The following KDM2A variants were observed in gnomAD, a reference collection of about 807,000 sequenced individuals.
KDM2A encodes the protein lysine demethylase 2A.
Under a neutral mutation model 137.3 loss-of-function variants are expected in KDM2A, and 3 were observed. The ratio of observed to expected loss-of-function variants is 0.02; its 90% CI spans 0.01 to 0.06. KDM2A has a LOEUF of 0.06. Among genes scored for constraint, KDM2A ranks in the 10% least tolerant of loss-of-function variants. KDM2A has a pLI of 1.00. For missense variants in KDM2A, 738 were observed against 1,510.6 expected, an observed-to-expected ratio of 0.49 and a Z score of 8.48; for synonymous variants, 512 against 541.5, an observed-to-expected ratio of 0.95 and a Z score of 0.76.
At chr11:67,170,408 C>CTTTTTTTTTT (rs923665021) in intron 2 of KDM2A, among the ~76,000 whole-genome samples, 22 of 92,822 alleles carry the variant, frequency 2.4e-4, no homozygotes, top group African/African-American at 4.1e-4. Context: ...TTCTTTCTTT[C>CTTTTTTTTTT]TTTTTTTTTT....
intron 2 of KDM2A, among the ~76,000 whole-genome samples, chr11:67,127,626 A>C (rs1855759929): frequency 1.3e-5 from 2 of 152,176 alleles, no homozygotes; most frequent in Non-Finnish European, 2.9e-5. Flanking sequence ...CAATAGTCCC[A>C]CCTTTCCTTG....
At chr11:67,223,652 C>G (rs1858441402) in intron 10 of KDM2A, among the ~76,000 whole-genome samples, 1 of 152,078 alleles carries the variant, frequency 6.6e-6, no homozygotes, top group Non-Finnish European at 1.5e-5. Context: ...TCAAGCAGTC[C>G]TCCAGCCTCA....
chr11:67,176,150 A>G (rs949483345), intron 2 of KDM2A, among the ~76,000 whole-genome samples: 2 of 152,214 alleles, frequency 1.3e-5, no homozygotes, highest in Admixed American at 1.3e-4. Flanking sequence ...TTTTTACTAA[A>G]TATGGAAAAG....
At chr11:67,169,110 C>A (rs1015869372) in intron 2 of KDM2A, among the ~76,000 whole-genome samples, 1 of 151,686 alleles carries the variant, frequency 6.6e-6, no homozygotes, top group Admixed American at 6.6e-5. Flanking sequence ...CGCCTGCCAC[C>A]GCGCCTGGCC....
At chr11:67,148,199 C>A (rs1467956170) in intron 2 of KDM2A, among the ~76,000 whole-genome samples, 1 of 151,870 alleles carries the variant, frequency 6.6e-6, no homozygotes, top group Non-Finnish European at 1.5e-5. Context: ...TTGGGAGGAT[C>A]ATTTTTGAAC....
chr11:67,251,024 T>C (rs913709397), intron 17 of KDM2A, among the ~76,000 whole-genome samples: 1 of 152,202 alleles, frequency 6.6e-6, no homozygotes, highest in Non-Finnish European at 1.5e-5. Context: ...CTCTATACTT[T>C]CCCATGTCTC....
At chr11:67,121,512 T>A (rs1169359498) in intron 2 of KDM2A, among the ~76,000 whole-genome samples, 154 bp downstream of exon 2, 1 of 152,234 alleles carries the variant, frequency 6.6e-6, no homozygotes, top group African/African-American at 2.4e-5. Context: ...AATATCGAAT[T>A]TGGCTTTTGG....
intron 2 of KDM2A, among the ~76,000 whole-genome samples, chr11:67,139,946 T>C (rs1424804602): frequency 2.0e-5 from 3 of 151,884 alleles, no homozygotes; most frequent in Admixed American, 2.0e-4. Flanking sequence ...TCAACTGATG[T>C]GTGCATCTTG....
intron 2 of KDM2A, among the ~76,000 whole-genome samples, chr11:67,163,549 CAT>C: frequency 6.6e-6 from 1 of 152,144 alleles, no homozygotes; most frequent in East Asian, 1.9e-4. Context: ...AATGTAGAAT[CAT>C]GTTCAAAATC....
intron 12 of KDM2A, among the ~76,000 whole-genome samples, chr11:67,239,656 G>A (rs779951419): frequency 6.6e-6 from 1 of 152,208 alleles, no homozygotes; most frequent in Non-Finnish European, 1.5e-5. Flanking sequence ...AGAAGTGTGT[G>A]TGCAGTCAGC....
At chr11:67,176,526 C>T (rs914949024) in intron 2 of KDM2A, among the ~76,000 whole-genome samples, 1 of 152,132 alleles carries the variant, frequency 6.6e-6, no homozygotes, top group African/African-American at 2.4e-5. Flanking sequence ...AAGTAAAATA[C>T]CATCATTCAT....
At chr11:67,122,991 A>ATTTT (rs1309102516) in intron 2 of KDM2A, among the ~76,000 whole-genome samples, 1 of 151,100 alleles carries the variant, frequency 6.6e-6, no homozygotes, top group Non-Finnish European at 1.5e-5. Flanking sequence ...TTTTATTTTT[A>ATTTT]TAGACAGGAT....
intron 2 of KDM2A, among the ~76,000 whole-genome samples, chr11:67,137,081 G>T (rs1855985102): frequency 6.6e-6 from 1 of 152,172 alleles, no homozygotes; most frequent in Non-Finnish European, 1.5e-5. Flanking sequence ...GATGCAGAGT[G>T]ATTAGCACAT....
intron 2 of KDM2A, among the ~76,000 whole-genome samples, chr11:67,173,053 C>T (rs758938581): frequency 1.1e-4 from 17 of 152,052 alleles, no homozygotes; most frequent in Non-Finnish European, 1.9e-4. Context: ...TGCAGTGGTG[C>T]TGTAACAGTT....
At chr11:67,224,528 C>G (rs1184545872) in intron 10 of KDM2A, among the ~76,000 whole-genome samples, 2 of 123,872 alleles carry the variant, frequency 1.6e-5, no homozygotes, top group Non-Finnish European at 3.1e-5. Flanking sequence ...TGCAGTGGTG[C>G]GATCTCAGCT....
intron 4 of KDM2A, 68 bp downstream of exon 4, chr11:67,181,466 T>C (rs1857089758): frequency 1.0e-6 from 1 of 1,001,792 alleles, no homozygotes; most frequent in Non-Finnish European, 1.5e-6. Flanking sequence ...CAATAAACAG[T>C]GGTGGTATTG....
chr11:67,159,591 C>G (rs1856592086), intron 2 of KDM2A, among the ~76,000 whole-genome samples: 1 of 152,136 alleles, frequency 6.6e-6, no homozygotes, highest in African/African-American at 2.4e-5. Context: ...AGGTGGTAAC[C>G]TGCAGATTTT....
intron 2 of KDM2A, among the ~76,000 whole-genome samples, chr11:67,123,132 G>A (rs965427286): frequency 6.6e-6 from 1 of 151,796 alleles, no homozygotes; most frequent in Non-Finnish European, 1.5e-5. Context: ...ACCATGCCAG[G>A]GTAATTTTCA....
intron 2 of KDM2A, among the ~76,000 whole-genome samples, chr11:67,137,267 T>G (rs971777758): frequency 6.6e-6 from 1 of 152,218 alleles, no homozygotes; most frequent in Non-Finnish European, 1.5e-5. Context: ...GGCATTATCC[T>G]GAAGCCATTG....
Sources: gnomAD v4.1 joint callset for allele counts (sites outside exome capture counted in the v4.1 genomes callset) on GRCh38, gnomAD v4.1.1 for gene constraint, MANE v1.5 for transcripts, NCBI Gene and HGNC (gene_info 2026-07-23, HGNC 2026-07-21) for gene names.